The following ZDHHC21 variants were observed in gnomAD, a reference collection of about 807,000 sequenced individuals.
ZDHHC21 encodes the protein palmitoyltransferase ZDHHC21.
ZDHHC21 carries 15 observed loss-of-function variants against 34.6 expected under a neutral mutation model. The ratio of observed to expected loss-of-function variants is 0.43; its 90% CI spans 0.29 to 0.67. The LOEUF (loss-of-function observed/expected upper bound fraction) is 0.67. Among genes scored for constraint, ZDHHC21 ranks in the 30% least tolerant of loss-of-function variants. The pLI, the probability that ZDHHC21 is intolerant of heterozygous loss-of-function variation, is 0.14. For synonymous variants in ZDHHC21, 142 were observed against 101.8 expected (o/e 1.40, Z -2.38); for missense variants, 344 against 327.7 (o/e 1.05, Z -0.38).
chr9:14,621,656 C>A (rs1046293748), intron 8 of ZDHHC21, among the ~76,000 whole-genome samples: 14 of 151,976 alleles, frequency 9.2e-5, no homozygotes, highest in African/African-American at 3.1e-4. Context: ...ATCCAGAATA[C>A]TGTTATAAGT....
At chr9:14,670,559 A>G (rs1054458690) in intron 5 of ZDHHC21, among the ~76,000 whole-genome samples, 5 of 152,088 alleles carry the variant, frequency 3.3e-5, no homozygotes, top group Non-Finnish European at 7.4e-5. Context: ...TGTATGGCCC[A>G]TAAAGCTGAA....
chr9:14,590,230 A>C, the ZDHHC21 span, among the ~76,000 whole-genome samples: 1 of 152,184 alleles, frequency 6.6e-6, no homozygotes, highest in East Asian at 1.9e-4. Flanking sequence ...TGAAACATAG[A>C]AACTATTCAA....
intron 8 of ZDHHC21, among the ~76,000 whole-genome samples, chr9:14,624,480 C>T (rs1012783376): frequency 8.6e-5 from 13 of 151,922 alleles, no homozygotes; most frequent in African/African-American, 2.9e-4. Context: ...GAATACTAAT[C>T]GGCCAAAAAA....
intron 7 of ZDHHC21, among the ~76,000 whole-genome samples, chr9:14,649,848 C>T (rs10511594): frequency 0.43 from 65,393 of 151,746 alleles, 14,328 homozygotes; most frequent in African/African-American, 0.5. Context: ...TTGGGCAATC[C>T]AATAAGAGAA....
chr9:14,665,803 A>G (rs10756599), intron 5 of ZDHHC21, among the ~76,000 whole-genome samples: 136,173 of 145,056 alleles, frequency 0.94, 63,980 homozygotes, highest in Non-Finnish European at 0.95. Context: ...AATGCTGACC[A>G]ATTTTGTCAC....
chr9:14,639,308 C>G (rs1408784284), intron 8 of ZDHHC21, among the ~76,000 whole-genome samples: 1 of 152,040 alleles, frequency 6.6e-6, no homozygotes, highest in South Asian at 2.1e-4. Context: ...GCCAAAAAAG[C>G]TGATCTCATG....
chr9:14,684,903 T>A (rs1272313588), intron 2 of ZDHHC21, among the ~76,000 whole-genome samples: 49 of 151,980 alleles, frequency 3.2e-4, no homozygotes, highest in Admixed American at 3.2e-3. Context: ...ATAGCACACA[T>A]CTACAACCAC....
the ZDHHC21 span, among the ~76,000 whole-genome samples, chr9:14,600,476 T>C: frequency 6.6e-6 from 1 of 152,098 alleles, no homozygotes; most frequent in Non-Finnish European, 1.5e-5. Flanking sequence ...AGGAGAACTA[T>C]AAACCACTGC....
rs1213513706 is a variant in ZDHHC21, at chr9:14,611,590, T to G, written c.*7376A>C. 1 of 152,022 alleles carries G rather than the reference T, an allele frequency of 6.6e-6. No individual in the cohort carries two copies. The highest frequency in any genetic ancestry group is 1.5e-5 in the Non-Finnish European group (1 of 67,954). The allele number at this position is 152,022 out of a possible 1,614,324, so 9.4% of individuals were successfully genotyped here. Reference sequence around the variant, plus strand: ...TATGCCACTTGTAACATACCACTATTAAAAGCATTTTAGGGATATAATACT... The same window carrying G: ...TATGCCACTTGTAACATACCACTATGAAAAGCATTTTAGGGATATAATACT... On this transcript the variant is annotated 3_prime_UTR_variant, in exon 10 of 10. Transcript: ENST00000380916.
chr9:14,602,256 A>G, the ZDHHC21 span, among the ~76,000 whole-genome samples: 3 of 152,106 alleles, frequency 2.0e-5, no homozygotes, highest in African/African-American at 4.8e-5. Flanking sequence ...AGCAGAAGAA[A>G]GAATTTCTCA....
intron 7 of ZDHHC21, among the ~76,000 whole-genome samples, chr9:14,647,573 C>A (rs1830476036): frequency 6.6e-6 from 1 of 152,114 alleles, no homozygotes; most frequent in Admixed American, 6.6e-5. Flanking sequence ...GACGGGAGCT[C>A]CAATTCCTTG....
chr9:14,595,406 C>T, the ZDHHC21 span, among the ~76,000 whole-genome samples: 1 of 152,162 alleles, frequency 6.6e-6, no homozygotes, highest in South Asian at 2.1e-4. Context: ...AAGAGTCAGA[C>T]ATAAAAGACT....
At chr9:14,627,212 T>C (rs1406062968) in intron 8 of ZDHHC21, among the ~76,000 whole-genome samples, 1 of 152,158 alleles carries the variant, frequency 6.6e-6, no homozygotes, top group Non-Finnish European at 1.5e-5. Flanking sequence ...TAAAATGCTG[T>C]TTACTAGACA....
At chr9:14,665,380 C>A (rs1295895522) in intron 5 of ZDHHC21, among the ~76,000 whole-genome samples, 1 of 139,920 alleles carries the variant, frequency 7.1e-6, no homozygotes, top group African/African-American at 2.7e-5. Context: ...GATTGGTGTA[C>A]CTGAAAGTGA....
At chr9:14,645,831 G>A (rs1830195654) in intron 7 of ZDHHC21, among the ~76,000 whole-genome samples, 1 of 152,118 alleles carries the variant, frequency 6.6e-6, no homozygotes, top group African/African-American at 2.4e-5. Flanking sequence ...AGTATCATTA[G>A]TCATCAGAGA....
intron 3 of ZDHHC21, among the ~76,000 whole-genome samples, chr9:14,679,218 TA>T (rs1350579247): frequency 6.6e-6 from 1 of 152,132 alleles, no homozygotes; most frequent in Admixed American, 6.6e-5. Context: ...AGAGGAAGCA[TA>T]CTGACATCTG....
intron 8 of ZDHHC21, among the ~76,000 whole-genome samples, 177 bp downstream of exon 8, chr9:14,639,719 T>C (rs943297780): frequency 1.3e-5 from 2 of 152,120 alleles, no homozygotes; most frequent in Non-Finnish European, 2.9e-5. Context: ...GGATACAAAA[T>C]TGTGTATACT....
chr9:14,691,210 A>C (rs533432845), intron 1 of ZDHHC21, among the ~76,000 whole-genome samples: 1 of 152,126 alleles, frequency 6.6e-6, no homozygotes, highest in Non-Finnish European at 1.5e-5. Flanking sequence ...CCACTATATA[A>C]TAAGACTAGC....
chr9:14,608,221 C>T (rs751659001), downstream of ZDHHC21, among the ~76,000 whole-genome samples: 4 of 152,074 alleles, frequency 2.6e-5, no homozygotes, highest in South Asian at 6.2e-4. Flanking sequence ...GCTAGGATTA[C>T]GCATCTATAG....
Sources: gnomAD v4.1 joint callset for allele counts (sites outside exome capture counted in the v4.1 genomes callset) on GRCh38, gnomAD v4.1.1 for gene constraint, MANE v1.5 for transcripts, NCBI Gene and HGNC (gene_info 2026-07-23, HGNC 2026-07-21) for gene names.